The following TIAM2 variants were observed in gnomAD, a reference collection of about 807,000 sequenced individuals.
TIAM2 encodes the protein rho guanine nucleotide exchange factor TIAM2.
Under a neutral mutation model 152.9 loss-of-function variants are expected in TIAM2, and 80 were observed. That is an observed-to-expected ratio of 0.52 (90% CI 0.44 to 0.63). The LOEUF is 0.63. Ranked by LOEUF, TIAM2 falls within the 30% of genes least tolerant of loss-of-function variation. The pLI is 0.00. For synonymous variants in TIAM2, 804 were observed against 838.0 expected (o/e 0.96, Z 0.70); for missense variants, 1,965 against 2,120.1 (o/e 0.93, Z 1.44).
intron 2 of TIAM2, among the ~76,000 whole-genome samples, chr6:155,106,284 C>T (rs1461723442): frequency 4.6e-5 from 7 of 152,118 alleles, no homozygotes; most frequent in Non-Finnish European, 8.8e-5. Context: ...GGATTATAGG[C>T]GTAAGTCACC....
chr6:155,222,779 T>G (rs9397792), intron 15 of TIAM2, among the ~76,000 whole-genome samples: 30,268 of 152,004 alleles, frequency 0.2, 3,725 homozygotes, highest in East Asian at 0.36. Context: ...CTGTCTGTCT[T>G]TCTGCCTGAA....
chr6:155,247,267 T>C (rs1178554228), intron 19 of TIAM2, among the ~76,000 whole-genome samples: 1 of 152,206 alleles, frequency 6.6e-6, no homozygotes, highest in African/African-American at 2.4e-5. Flanking sequence ...ACTGGTTTAT[T>C]TTCCTTTATG....
At chr6:155,055,133 T>C (rs1246983864) in intron 1 of TIAM2, among the ~76,000 whole-genome samples, 1 of 152,188 alleles carries the variant, frequency 6.6e-6, no homozygotes, top group African/African-American at 2.4e-5. Flanking sequence ...TTTGTCTGGA[T>C]CACTGTTCAT....
At chr6:155,089,437 C>G (rs979230524) in intron 1 of TIAM2, among the ~76,000 whole-genome samples, 2 of 152,160 alleles carry the variant, frequency 1.3e-5, no homozygotes, top group Non-Finnish European at 2.9e-5. Flanking sequence ...AAACTCCTGA[C>G]CTCAAGTGAT....
At chr6:155,060,644 C>T (rs1203159158) in intron 1 of TIAM2, among the ~76,000 whole-genome samples, 1 of 152,000 alleles carries the variant, frequency 6.6e-6, no homozygotes, top group African/African-American at 2.4e-5. Flanking sequence ...GCCTGTAATC[C>T]CCGTACTTTG....
Position 155,123,394 on chromosome 6 carries a change from G to C in TIAM2, c.-117-4096G>C, listed in dbSNP as rs543783945. On this transcript the variant is annotated intron_variant, in intron 2 of 26. Transcript: ENST00000682666. Reference sequence around the variant, plus strand: ...GATTCCCGCCCTTGGTCTGGGGTCCGCATCAACTGTGTAGCACATGAATTG... The same window carrying C: ...GATTCCCGCCCTTGGTCTGGGGTCCCCATCAACTGTGTAGCACATGAATTG... Among the ~76,000 whole-genome samples, 11 of 152,214 alleles carry C rather than the reference G, an allele frequency of 7.2e-5. No homozygotes were observed. In the South Asian group the frequency reaches 2.3e-3, roughly 32 times the overall value.
chr6:155,051,931 C>T lies in TIAM2; in HGVS notation c.-208-38358C>T, dbSNP rs902782684. On this transcript the variant is annotated intron_variant, in intron 1 of 26. Transcript: ENST00000682666. ...CTGGGATTACAGGCGTGAGCCACTG[C>T]GCCTGGCCGGCTGTGGCTTTTTTCT... Among the ~76,000 whole-genome samples the T allele has an allele frequency of 4.2e-4, 64 of 152,122 alleles. 1 individual carries two copies. The highest frequency in any genetic ancestry group is 1.5e-3 in the African/African-American group (63 of 41,434).
chr6:155,103,315 C>G (rs978216533), intron 2 of TIAM2, among the ~76,000 whole-genome samples: 2 of 152,104 alleles, frequency 1.3e-5, no homozygotes, highest in Non-Finnish European at 2.9e-5. Context: ...GCAAAACCAT[C>G]GGAAATATCT....
intron 1 of TIAM2, among the ~76,000 whole-genome samples, chr6:155,055,711 C>T (rs1270269863): frequency 1.3e-5 from 2 of 152,142 alleles, no homozygotes; most frequent in African/African-American, 2.4e-5. Flanking sequence ...TCTGTAATCC[C>T]AGTGCTTTGG....
In TIAM2 at chr6:155,071,077, G is replaced by C. The variant is rs188498096; in HGVS notation, c.-208-19212G>C. Among the ~76,000 whole-genome samples the C allele has an allele frequency of 5.9e-5, 9 of 152,302 alleles. No individual in the cohort carries two copies. The East Asian group carries it at 9.6e-4, about 16-fold the overall frequency. ...AGTCCCAGCAGCTTGGGAGGCTGAG[G>C]GGGGAGGATGGCTCGTGCCCGAGAG... On this transcript the variant is annotated intron_variant, in intron 1 of 26. Transcript: ENST00000682666.
chr6:155,210,266 T>G (rs1462130260), intron 14 of TIAM2, among the ~76,000 whole-genome samples: 1 of 151,928 alleles, frequency 6.6e-6, no homozygotes, highest in Non-Finnish European at 1.5e-5. Context: ...AATTTTCATT[T>G]TTATTATTTT....
chr6:155,030,099 T>G (rs1278712119), intron 1 of TIAM2, among the ~76,000 whole-genome samples: 1 of 152,136 alleles, frequency 6.6e-6, no homozygotes, highest in Non-Finnish European at 1.5e-5. Context: ...TTGTTGTTCT[T>G]TGAAAGTTTC....
chr6:155,213,969 T>C lies in TIAM2; in HGVS notation c.3168+2662T>C, dbSNP rs1202884646. Among the ~76,000 whole-genome samples the C allele has an allele frequency of 2.0e-5, 3 of 152,202 alleles. No individual in the cohort carries two copies. The highest frequency in any genetic ancestry group is 7.2e-5 in the African/African-American group (3 of 41,440). On this transcript the variant is annotated intron_variant, in intron 15 of 26. Coordinates refer to ENST00000682666, the MANE Select transcript of TIAM2 (RefSeq NM_012454.4). This position sits in a 1 kb window ranked among gnomAD's most constrained non-coding sequence, Gnocchi z 4.2. ...TCGAGCCTGTGGGGGCAATGGGTCC[T>C]TCCTAGGCCCCTGAGAGTGCAGAGA...
At chr6:154,998,811 G>A (rs1778265143) in intron 1 of TIAM2, among the ~76,000 whole-genome samples, 1 of 152,130 alleles carries the variant, frequency 6.6e-6, no homozygotes, top group South Asian at 2.1e-4. Flanking sequence ...GCCAGGACGA[G>A]CTTTCAGATT....
At position 155,218,586 on chromosome 6, in the gene TIAM2, A is replaced by G. The variant is rs1781930781; in HGVS notation, c.3168+7279A>G. Among the ~76,000 whole-genome samples the G allele has an allele frequency of 6.6e-6, 1 of 152,188 alleles. No individual in the cohort carries two copies. Among genetic ancestry groups the G allele is most frequent in the African/African-American group, 2.4e-5 (1 of 41,448 alleles). On this transcript the variant is annotated intron_variant, in intron 15 of 26. Transcript: ENST00000682666. The surrounding 1 kb of genome is among the most constrained non-coding windows in gnomAD (Gnocchi z 4.5). ...AAGGAATCACGTGAGATTATGTCCA[A>G]CTAGGAGCACTGGAAGCAGGGGAGA...
chr6:155,167,040 C>A (rs1780458806), intron 9 of TIAM2, among the ~76,000 whole-genome samples: 1 of 152,038 alleles, frequency 6.6e-6, no homozygotes, highest in Non-Finnish European at 1.5e-5. Context: ...GTAAAAGGGC[C>A]AGTATCAGTT....
At chr6:155,171,453 G>A (rs75560106) in intron 9 of TIAM2, among the ~76,000 whole-genome samples, 2,061 of 152,280 alleles carry the variant, frequency 0.014, 54 homozygotes, top group African/African-American at 0.047. Context: ...ACAGCCCCTG[G>A]GCCTTGGCCC....
chr6:155,114,016 A>AT (rs1336267970), intron 2 of TIAM2, among the ~76,000 whole-genome samples: 1 of 38,424 alleles, frequency 2.6e-5, no homozygotes, highest in Non-Finnish European at 4.8e-5. Context: ...ACTTTACTTT[A>AT]TATATATATA....
chr6:155,142,342 AAGTTAGAGCGGT>A (rs1228768292), intron 5 of TIAM2, among the ~76,000 whole-genome samples: 1 of 152,200 alleles, frequency 6.6e-6, no homozygotes, highest in African/African-American at 2.4e-5. Flanking sequence ...TCATGCCTCC[AAGTTAGAGCGGT>A]AGTCTGTTGT....
Sources: allele counts gnomAD v4.1 joint callset (sites outside exome capture counted in the v4.1 genomes callset), GRCh38; gene constraint gnomAD v4.1.1; non-coding constraint Gnocchi (gnomAD v3.1); transcripts MANE v1.5; gene names NCBI Gene and HGNC (gene_info 2026-07-23, HGNC 2026-07-21).